Variants in RABGAP1L observed in about 807,000 individuals in gnomAD.
RABGAP1L encodes the protein RAB GTPase activating protein 1 like, also known as rab GTPase-activating protein 1-like.
A neutral mutation model predicts 137.7 loss-of-function variants in RABGAP1L; 63 were observed. The observed-to-expected ratio is 0.46, with a 90% CI of 0.37 to 0.56. The LOEUF is 0.56. Ranked by LOEUF, RABGAP1L falls within the 20% of genes least tolerant of loss-of-function variation. The pLI is 0.00. For missense variants in RABGAP1L, 1,095 were observed against 1,244.0 expected (o/e 0.88, Z 1.80); for synonymous variants, 431 against 433.7 (o/e 0.99, Z 0.08).
At chr1:174,541,559 G>T (rs1232531451) in intron 13 of RABGAP1L, among the ~76,000 whole-genome samples, 3 of 152,132 alleles carry the variant, frequency 2.0e-5, no homozygotes, top group African/African-American at 7.2e-5. Context: ...GGCATATCAC[G>T]AGGTCAGGAG....
chr1:174,573,127 G>A (rs906025426), intron 13 of RABGAP1L, among the ~76,000 whole-genome samples: 2 of 151,858 alleles, frequency 1.3e-5, no homozygotes, highest in Non-Finnish European at 2.9e-5. Context: ...GTATATATAT[G>A]TATACACTAT....
Position 174,305,037 on chromosome 1 carries a change from A to G in RABGAP1L, c.1375A>G (p.Ser459Gly). 1 of 1,563,880 alleles carries G rather than the reference A, an allele frequency of 6.4e-7. No homozygotes were observed. The highest frequency in any genetic ancestry group is 8.6e-7 in the Non-Finnish European group (1 of 1,159,528). ...NAGDAIYEVV[S>G]LQRESDKEEP... ...TGGAGATGCAATATATGAGGTGGTG[A>G]GTCTACAGCGAGAGTCTGACAAGGA... The change falls in exon 11 of 26, where the codon AGT (serine) becomes GGT (glycine). Residue 459 changes from serine to glycine, a missense_variant. By Grantham distance (56) the Ser-to-Gly change is moderately conservative. Transcript: ENST00000681986.
At chr1:174,281,770 A>C (rs1675582398) in intron 10 of RABGAP1L, among the ~76,000 whole-genome samples, 1 of 152,214 alleles carries the variant, frequency 6.6e-6, no homozygotes, top group South Asian at 2.1e-4. Context: ...CCCATTTAAT[A>C]GTACATTTTG....
At chr1:174,321,382 C>T (rs1172646449) in intron 11 of RABGAP1L, among the ~76,000 whole-genome samples, 8 of 152,086 alleles carry the variant, frequency 5.3e-5, no homozygotes, top group African/African-American at 1.4e-4. Context: ...ACACCCTATT[C>T]GTACACTCCC....
intron 11 of RABGAP1L, among the ~76,000 whole-genome samples, chr1:174,327,970 TATATATATAC>T (rs1293479657): frequency 1.3e-3 from 20 of 15,228 alleles, no homozygotes; most frequent in African/African-American, 6.7e-3. Flanking sequence ...TATATATATA[TATATATATAC>T]ACACACATAT....
chr1:174,691,122 C>T (rs556390720), intron 15 of RABGAP1L, among the ~76,000 whole-genome samples: 6 of 152,118 alleles, frequency 3.9e-5, no homozygotes, highest in South Asian at 2.1e-4. Flanking sequence ...GCCACCATGC[C>T]GGGCCCATTC....
intron 11 of RABGAP1L, among the ~76,000 whole-genome samples, chr1:174,325,451 A>G (rs1048649228): frequency 6.6e-6 from 1 of 152,218 alleles, no homozygotes; most frequent in Non-Finnish European, 1.5e-5. Flanking sequence ...ATAAAAGCTA[A>G]GGGAACCTGA....
Position 174,377,948 on chromosome 1 carries a change from A to G in RABGAP1L, c.1559+6876A>G, listed in dbSNP as rs1189135137. ...TATCCCTCCCCCCTCCCCCCACCCC[A>G]CAACAGTCCCCAGAGTGTGATATTC... On this transcript the variant is annotated intron_variant, in intron 12 of 25. Transcript: ENST00000681986. 2.4e-5 allele frequency among the ~76,000 whole-genome samples: 2 copies of G among 82,004 alleles called. 1 individual carries two copies. The highest frequency in any genetic ancestry group is 1.1e-4 in the African/African-American group (2 of 17,656). 53.8% of individuals were successfully genotyped at this position (82,004 alleles called of 152,430 possible).
intron 15 of RABGAP1L, among the ~76,000 whole-genome samples, chr1:174,686,661 T>TGGAGTC (rs1294097727): frequency 9.1e-6 from 1 of 109,540 alleles, no homozygotes; most frequent in African/African-American, 9.5e-5. Flanking sequence ...TTTTTTTTTT[T>TGGAGTC]TTTTTTTTTT....
intron 19 of RABGAP1L, among the ~76,000 whole-genome samples, chr1:174,812,649 AC>A (rs1689985586): frequency 3.3e-5 from 5 of 152,346 alleles, no homozygotes; most frequent in African/African-American, 1.2e-4. Context: ...TAGGGACTTT[AC>A]ATTCTTGCAG....
At chr1:174,882,083 A>G (rs747847004) in intron 19 of RABGAP1L, among the ~76,000 whole-genome samples, 2 of 151,986 alleles carry the variant, frequency 1.3e-5, no homozygotes, top group Non-Finnish European at 2.9e-5. Context: ...CTGGTCTCGA[A>G]CTCCTGACTT....
intron 19 of RABGAP1L, among the ~76,000 whole-genome samples, chr1:174,885,904 T>C (rs1221318830): frequency 6.6e-6 from 1 of 151,580 alleles, no homozygotes; most frequent in Non-Finnish European, 1.5e-5. Flanking sequence ...GAGGCGGAGC[T>C]TGCAGTGAGC....
chr1:174,752,133 A>G (rs964780793), intron 17 of RABGAP1L, among the ~76,000 whole-genome samples, 180 bp from the exon 18 acceptor site: 53 of 152,210 alleles, frequency 3.5e-4, no homozygotes, highest in African/African-American at 1.3e-3. Context: ...AGCACCTAAA[A>G]TTTATAACAA....
intron 21 of RABGAP1L, among the ~76,000 whole-genome samples, chr1:174,971,308 A>T (rs1670109070): frequency 6.6e-6 from 1 of 151,196 alleles, no homozygotes; most frequent in African/African-American, 2.4e-5. Flanking sequence ...TCAGAAAAAA[A>T]TTATTATCTT....
intron 23 of RABGAP1L, among the ~76,000 whole-genome samples, chr1:174,980,243 C>T (rs1029429959): frequency 6.6e-6 from 1 of 152,134 alleles, no homozygotes; most frequent in Non-Finnish European, 1.5e-5. Context: ...AAGGAATCCG[C>T]ATATTCACGG....
chr1:174,426,646 T>C (rs1478474015), intron 13 of RABGAP1L, among the ~76,000 whole-genome samples: 2 of 152,042 alleles, frequency 1.3e-5, no homozygotes, highest in Non-Finnish European at 2.9e-5. Flanking sequence ...GTGAATAACA[T>C]TTTATGAGCA....
At chr1:174,304,927 ATCTT>A in intron 10 of RABGAP1L, 55 bp from the exon 11 acceptor site, 1 of 1,385,316 alleles carries the variant, frequency 7.2e-7, no homozygotes, top group South Asian at 1.4e-5. Context: ...TTTAAATACT[ATCTT>A]TCAATGTTTC....
chr1:174,513,632 A>C (rs1662548363), intron 13 of RABGAP1L, among the ~76,000 whole-genome samples: 1 of 151,996 alleles, frequency 6.6e-6, no homozygotes, highest in Non-Finnish European at 1.5e-5. Context: ...AAATAAATAA[A>C]ATTTGAGCCT....
intron 13 of RABGAP1L, among the ~76,000 whole-genome samples, chr1:174,531,295 T>C (rs1287487334): frequency 6.6e-6 from 1 of 152,168 alleles, no homozygotes; most frequent in Admixed American, 6.5e-5. Context: ...CAAGTATATA[T>C]ACATGGAAAA....
Sources: allele counts gnomAD v4.1 joint callset (sites outside exome capture counted in the v4.1 genomes callset), GRCh38; gene constraint gnomAD v4.1.1; transcripts MANE v1.5; gene names NCBI Gene and HGNC (gene_info 2026-07-23, HGNC 2026-07-21).